The following ANO10 variants were observed in gnomAD, a reference collection of about 807,000 sequenced individuals.
ANO10 encodes the protein anoctamin 10.
Under a neutral mutation model 74.7 loss-of-function variants are expected in ANO10, and 77 were observed. That is an observed-to-expected ratio of 1.03 (90% CI 0.86 to 1.25). ANO10 has a LOEUF of 1.25. Among genes scored for constraint, ANO10 ranks in the 50% most tolerant of loss-of-function variants. The pLI, the probability that ANO10 is intolerant of heterozygous loss-of-function variation, is 0.00. For synonymous variants in ANO10, 279 were observed against 284.9 expected, an observed-to-expected ratio of 0.98 and a Z score of 0.21; for missense variants, 721 against 778.1, an observed-to-expected ratio of 0.93 and a Z score of 0.87.
At chr3:43,647,708 A>G (rs1050557513) in intron 1 of ANO10, among the ~76,000 whole-genome samples, 3 of 152,162 alleles carry the variant, frequency 2.0e-5, no homozygotes, top group East Asian at 1.9e-4. Context: ...TCTAATTCTA[A>G]TTACTTTTCA....
At chr3:43,597,606 C>T (rs2082151415) in intron 4 of ANO10, among the ~76,000 whole-genome samples, 1 of 151,350 alleles carries the variant, frequency 6.6e-6, no homozygotes, top group African/African-American at 2.4e-5. Flanking sequence ...ACACCGGGGC[C>T]TGTTGTAGGG....
chr3:43,613,347 T>C (rs75292016), intron 1 of ANO10, among the ~76,000 whole-genome samples: 1,684 of 152,214 alleles, frequency 0.011, 30 homozygotes, highest in African/African-American at 0.038. Flanking sequence ...CATAAAAATT[T>C]TGGACCAGGC....
intron 9 of ANO10, among the ~76,000 whole-genome samples, chr3:43,560,007 C>G (rs1199964253): frequency 2.0e-5 from 3 of 152,122 alleles, no homozygotes; most frequent in Non-Finnish European, 2.9e-5. Flanking sequence ...CCCTCAAACA[C>G]AGCAATGACA....
chr3:43,428,953 G>T (rs1286152766), intron 12 of ANO10, among the ~76,000 whole-genome samples: 1 of 151,874 alleles, frequency 6.6e-6, no homozygotes, highest in Non-Finnish European at 1.5e-5. Flanking sequence ...TTGGATAAAG[G>T]ATACTCAACT....
intron 11 of ANO10, among the ~76,000 whole-genome samples, chr3:43,517,486 G>A (rs561655492): frequency 3.1e-4 from 47 of 152,222 alleles, no homozygotes; most frequent in African/African-American, 1.0e-3. Flanking sequence ...AAAGTTGAAA[G>A]GGGTCATAAG....
chr3:43,409,027 CA>C (rs971094971), intron 12 of ANO10, among the ~76,000 whole-genome samples: 2 of 150,936 alleles, frequency 1.3e-5, no homozygotes, highest in Non-Finnish European at 3.0e-5. Flanking sequence ...AACCCTGTCT[CA>C]AAAAAAAGAG....
chr3:43,645,387 A>C (rs1220222502), intron 1 of ANO10, among the ~76,000 whole-genome samples: 1 of 151,728 alleles, frequency 6.6e-6, no homozygotes, highest in Non-Finnish European at 1.5e-5. Context: ...TACTCAGGAG[A>C]CTGAGGCAGG....
intron 11 of ANO10, among the ~76,000 whole-genome samples, chr3:43,436,525 C>A (rs532718695): frequency 6.6e-6 from 1 of 152,020 alleles, no homozygotes; most frequent in Non-Finnish European, 1.5e-5. Flanking sequence ...AATTTTAAAA[C>A]TAGCAAATAC....
At chr3:43,617,116 CT>C (rs2083149097) in intron 1 of ANO10, among the ~76,000 whole-genome samples, 1 of 149,784 alleles carries the variant, frequency 6.7e-6, no homozygotes. Flanking sequence ...CTGGAATCTA[CT>C]TTTACCAGAG....
At chr3:43,472,004 C>T (rs2075875198) in intron 11 of ANO10, among the ~76,000 whole-genome samples, 1 of 152,094 alleles carries the variant, frequency 6.6e-6, no homozygotes, top group Non-Finnish European at 1.5e-5. Context: ...TCCTCTTCTA[C>T]AGAATGGAAA....
At chr3:43,552,726 A>ATG (rs1318823685) in intron 10 of ANO10, among the ~76,000 whole-genome samples, 1,373 of 95,390 alleles carry the variant, frequency 0.014, 18 homozygotes, top group African/African-American at 0.038. Flanking sequence ...ATATATATAT[A>ATG]TATGTATGTA....
At chr3:43,653,565 A>G (rs1217489272) in intron 1 of ANO10, among the ~76,000 whole-genome samples, 1 of 152,256 alleles carries the variant, frequency 6.6e-6, no homozygotes, top group Admixed American at 6.5e-5. Context: ...TCTTACTAGA[A>G]TTATATCCCA....
intron 9 of ANO10, among the ~76,000 whole-genome samples, chr3:43,559,335 T>A (rs2079912063): frequency 6.6e-6 from 1 of 152,186 alleles, no homozygotes. Context: ...AGATTATGAA[T>A]CGTGTTTTGG....
At chr3:43,562,278 C>A (rs1246775064) in intron 8 of ANO10, among the ~76,000 whole-genome samples, 1 of 151,644 alleles carries the variant, frequency 6.6e-6, no homozygotes, top group Non-Finnish European at 1.5e-5. Flanking sequence ...CGGTGAAATC[C>A]TGTCTCTACT....
At chr3:43,368,301 G>T (rs1295546197) in intron 12 of ANO10, among the ~76,000 whole-genome samples, 2 of 152,148 alleles carry the variant, frequency 1.3e-5, no homozygotes, top group Non-Finnish European at 2.9e-5. Context: ...GGGTAAGAGG[G>T]TTCTTTCTGC....
intron 7 of ANO10, 57 bp downstream of exon 7, chr3:43,574,752 A>G (rs1241548256): frequency 5.4e-6 from 7 of 1,298,248 alleles, no homozygotes; most frequent in Non-Finnish European, 7.8e-6. Context: ...ATTCCTATAT[A>G]TTATGTAGTA....
intron 12 of ANO10, among the ~76,000 whole-genome samples, chr3:43,422,703 G>GA (rs2092837500): frequency 6.6e-6 from 1 of 152,004 alleles, no homozygotes; most frequent in Non-Finnish European, 1.5e-5. Flanking sequence ...GTTTTCATAA[G>GA]AAAAAATAAA....
chr3:43,651,118 A>C (rs1351087305), intron 1 of ANO10, among the ~76,000 whole-genome samples: 1 of 152,204 alleles, frequency 6.6e-6, no homozygotes, highest in Non-Finnish European at 1.5e-5. Flanking sequence ...AATTAGGTGA[A>C]ATAATGGATG....
chr3:43,414,966 G>GC (rs1426736890), intron 12 of ANO10, among the ~76,000 whole-genome samples: 4 of 87,092 alleles, frequency 4.6e-5, no homozygotes, highest in African/African-American at 1.6e-4. Context: ...CTGTCATTGT[G>GC]CTTTTTTTTT....
Sources: allele counts gnomAD v4.1 joint callset (sites outside exome capture counted in the v4.1 genomes callset), GRCh38; gene constraint gnomAD v4.1.1; transcripts MANE v1.5; gene names NCBI Gene and HGNC (gene_info 2026-07-23, HGNC 2026-07-21).